The following EYS variants were observed in gnomAD, a reference collection of about 807,000 sequenced individuals.
The protein encoded by EYS is protein eyes shut homolog.
In EYS, 250 loss-of-function variants were observed where a neutral mutation model predicts 282.1. The ratio of observed to expected loss-of-function variants is 0.89; its 90% confidence interval spans 0.80 to 0.98. EYS has a LOEUF of 0.98. Among genes scored for constraint, EYS ranks in the 50% least tolerant of loss-of-function variants. The pLI, the probability that EYS is intolerant of heterozygous loss-of-function variation, is 0.00. For missense variants in EYS, 4,016 were observed against 3,709.0 expected, an observed-to-expected ratio of 1.08 and a Z score of -2.15; for synonymous variants, 1,355 against 1,282.9, an observed-to-expected ratio of 1.06 and a Z score of -1.20.
chr6:65,201,481 G>T (rs1180173312), intron 12 of EYS, among the ~76,000 whole-genome samples: 1 of 152,038 alleles, frequency 6.6e-6, no homozygotes, highest in African/African-American at 2.4e-5. Flanking sequence ...CATTGGCTAG[G>T]TTAATCATTA....
chr6:63,873,155 C>T (rs1772860155), intron 35 of EYS, among the ~76,000 whole-genome samples: 1 of 133,842 alleles, frequency 7.5e-6, no homozygotes, highest in South Asian at 2.9e-4. Flanking sequence ...CTCCCCCCTC[C>T]CTACACCCCA....
intron 26 of EYS, among the ~76,000 whole-genome samples, chr6:64,531,830 TG>T (rs1764352770): frequency 6.6e-6 from 1 of 152,110 alleles, no homozygotes; most frequent in African/African-American, 2.4e-5. Flanking sequence ...ACCCTTGCTA[TG>T]GTGTAAGTCT....
At chr6:64,762,575 G>T (rs1170465771) in intron 22 of EYS, among the ~76,000 whole-genome samples, 2 of 151,920 alleles carry the variant, frequency 1.3e-5, no homozygotes, top group Non-Finnish European at 2.9e-5. Flanking sequence ...TTTTTCTGTT[G>T]TATTTCTTGC....
At chr6:64,286,057 G>A (rs1044316869) in intron 30 of EYS, among the ~76,000 whole-genome samples, 2 of 152,162 alleles carry the variant, frequency 1.3e-5, no homozygotes, top group African/African-American at 2.4e-5. Context: ...AAGAAATAAA[G>A]TATTTAGCAT....
At chr6:64,559,032 G>C (rs2149810396) in intron 26 of EYS, among the ~76,000 whole-genome samples, 1 of 152,030 alleles carries the variant, frequency 6.6e-6, no homozygotes, top group Admixed American at 6.6e-5. Context: ...ATTTTTGTTT[G>C]TTTGATCTTA....
In EYS at chr6:64,361,111, A is replaced by G. The variant is rs1771986548; in HGVS notation, c.6078+27579T>C. Among the ~76,000 whole-genome samples, 3 of 151,852 alleles carry G rather than the reference A, an allele frequency of 2.0e-5. No individual in the cohort carries two copies. In the South Asian group the frequency reaches 6.2e-4, roughly 31 times the overall value. On this transcript the variant is annotated intron_variant, in intron 29 of 42. Coordinates refer to ENST00000503581, the MANE Select transcript of EYS (RefSeq NM_001142800.2). The stretch of plus-strand genomic sequence containing the variant: ...TTCCTGGAAAATTTTGCTCCAAAGA[A>G]TATGGAACTATATATTTTGATTATC...
At chr6:64,073,200 A>G (rs1011821032) in intron 32 of EYS, among the ~76,000 whole-genome samples, 2 of 151,920 alleles carry the variant, frequency 1.3e-5, no homozygotes, top group African/African-American at 4.8e-5. Context: ...TTAATTTATC[A>G]TATTGATTTA....
intron 25 of EYS, 114 bp downstream of exon 25, chr6:64,593,003 C>G: frequency 9.3e-6 from 7 of 752,540 alleles, no homozygotes; most frequent in Non-Finnish European, 1.4e-5. Context: ...TTTTACACCC[C>G]TAAAAATCAT....
chr6:63,825,133 C>A (rs1771425119), intron 36 of EYS, among the ~76,000 whole-genome samples: 1 of 152,114 alleles, frequency 6.6e-6, no homozygotes, highest in Admixed American at 6.5e-5. Flanking sequence ...TGCTGGCTTT[C>A]CCCTACTTCC....
chr6:65,206,466 G>A (rs1285176297), intron 12 of EYS, among the ~76,000 whole-genome samples: 1 of 151,558 alleles, frequency 6.6e-6, no homozygotes, highest in Non-Finnish European at 1.5e-5. Context: ...ACAAACAAGA[G>A]CTGCTACCAA....
At chr6:65,618,234 T>A (rs375657888) in intron 2 of EYS, among the ~76,000 whole-genome samples, 3 of 152,380 alleles carry the variant, frequency 2.0e-5, no homozygotes, top group East Asian at 3.9e-4. Context: ...GAATTTTTAA[T>A]GATCGCCATT....
chr6:64,009,123 T>C (rs1768484245), intron 33 of EYS, among the ~76,000 whole-genome samples: 1 of 152,208 alleles, frequency 6.6e-6, no homozygotes, highest in South Asian at 2.1e-4. Context: ...ATTTGGTCTT[T>C]ACCTAATCTC....
chr6:65,583,474 G>A (rs996284085), intron 2 of EYS, among the ~76,000 whole-genome samples: 14 of 152,056 alleles, frequency 9.2e-5, no homozygotes, highest in African/African-American at 3.1e-4. Context: ...TGGCAAGTCC[G>A]AGCCGGTATT....
chr6:65,508,956 T>C (rs1305631880), intron 2 of EYS, among the ~76,000 whole-genome samples: 4 of 152,154 alleles, frequency 2.6e-5, no homozygotes, highest in African/African-American at 2.4e-5. Context: ...CCTCTGAAAG[T>C]GTGGGGACCT....
chr6:64,370,881 T>G (rs772078972), intron 29 of EYS, among the ~76,000 whole-genome samples: 1 of 152,152 alleles, frequency 6.6e-6, no homozygotes, highest in Non-Finnish European at 1.5e-5. Flanking sequence ...CTTTGTCATT[T>G]CTGATTGCGT....
At chr6:64,423,609 A>G (rs1367270082) in intron 28 of EYS, among the ~76,000 whole-genome samples, 2 of 152,176 alleles carry the variant, frequency 1.3e-5, no homozygotes, top group Non-Finnish European at 2.9e-5. Context: ...AGAGTTCCAG[A>G]CCAGCCTAGC....
At chr6:63,787,992 C>G in intron 39 of EYS, 113 bp downstream of exon 39, 2 of 767,172 alleles carry the variant, frequency 2.6e-6, no homozygotes, top group Non-Finnish European at 2.0e-6. Flanking sequence ...TTGTTCAAGT[C>G]TGAAAGCAAT....
Position 64,591,605 on chromosome 6 carries a change from G to C in EYS, c.4262C>G (p.Ala1421Gly), listed in dbSNP as rs1250066107. 1.0e-5 allele frequency: 16 copies of C among 1,551,182 alleles called. No homozygotes were observed. In the South Asian group the frequency reaches 1.9e-4, roughly 18 times the overall value. Residue 1421 changes from alanine to glycine, a missense_variant, in exon 26 of 43, where the codon GCT (alanine) becomes GGT (glycine). Transcript: ENST00000503581. ...FENCQTVALS[A>G]TPTTSVIRSI... The stretch of plus-strand genomic sequence containing the variant: ...TCTAATTACTGAAGTCGTTGGGGTA[G>C]CAGATAAAGCAACAGTCTGACAGTT...
intron 35 of EYS, among the ~76,000 whole-genome samples, chr6:63,926,866 A>C (rs1404748263): frequency 6.6e-6 from 1 of 152,216 alleles, no homozygotes; most frequent in Non-Finnish European, 1.5e-5. Context: ...TGTACTTTGG[A>C]CTTTAGAATT....
Sources: gnomAD v4.1 joint callset for allele counts (sites outside exome capture counted in the v4.1 genomes callset) on GRCh38, gnomAD v4.1.1 for gene constraint, MANE v1.5 for transcripts, NCBI Gene and HGNC (gene_info 2026-07-23, HGNC 2026-07-21) for gene names.